CACNA2D1: variants seen among roughly 807,000 people sequenced by gnomAD.
The protein encoded by CACNA2D1 is calcium voltage-gated channel auxiliary subunit alpha2delta 1.
A neutral mutation model predicts 171.5 loss-of-function variants in CACNA2D1; 53 were observed. The ratio of observed to expected loss-of-function variants is 0.31; its 90% confidence interval spans 0.25 to 0.39. The LOEUF is 0.39. Ranked by LOEUF, CACNA2D1 falls within the 10% of genes least tolerant of loss-of-function variation. The pLI, the probability that CACNA2D1 is intolerant of heterozygous loss-of-function variation, is 1.00. For missense variants in CACNA2D1, 903 were observed against 1,299.8 expected, an observed-to-expected ratio of 0.69 and a Z score of 4.69; for synonymous variants, 442 against 443.1, an observed-to-expected ratio of 1.00 and a Z score of 0.03.
intron 5 of CACNA2D1, among the ~76,000 whole-genome samples, chr7:82,125,966 C>A (rs911920796): frequency 1.3e-5 from 2 of 152,118 alleles, no homozygotes; most frequent in African/African-American, 4.8e-5. Flanking sequence ...AGATCACTTC[C>A]ACTTAAGTTG....
At chr7:82,437,718 G>A (rs1830211368) in intron 1 of CACNA2D1, among the ~76,000 whole-genome samples, 1 of 115,314 alleles carries the variant, frequency 8.7e-6, no homozygotes, top group Non-Finnish European at 1.8e-5. Context: ...AAATATAAAG[G>A]AGCAATGACC....
chr7:82,353,785 T>C (rs1820113311), intron 1 of CACNA2D1, among the ~76,000 whole-genome samples: 1 of 152,134 alleles, frequency 6.6e-6, no homozygotes, highest in Admixed American at 6.6e-5. Flanking sequence ...GTGCTCCTTT[T>C]GGTTTTTAAT....
At chr7:82,363,716 A>G (rs1213640159) in intron 1 of CACNA2D1, among the ~76,000 whole-genome samples, 1 of 152,158 alleles carries the variant, frequency 6.6e-6, no homozygotes, top group Non-Finnish European at 1.5e-5. Flanking sequence ...GATAATAAAC[A>G]TCTTACATAT....
chr7:82,340,372 T>C (rs1818480819), intron 2 of CACNA2D1, among the ~76,000 whole-genome samples: 1 of 151,778 alleles, frequency 6.6e-6, no homozygotes, highest in South Asian at 2.1e-4. Context: ...GATCTCACTA[T>C]GTTGTTCAGG....
chr7:82,313,869 C>T (rs1414910534), intron 3 of CACNA2D1, among the ~76,000 whole-genome samples: 6 of 152,094 alleles, frequency 3.9e-5, no homozygotes, highest in Non-Finnish European at 8.8e-5. Flanking sequence ...ATATTTCCTA[C>T]ATTGAACATG....
At chr7:82,035,356 C>A (rs977822659) in intron 11 of CACNA2D1, among the ~76,000 whole-genome samples, 8 of 144,106 alleles carry the variant, frequency 5.6e-5, no homozygotes, top group African/African-American at 9.9e-5. Flanking sequence ...AAAAAAAAAA[C>A]CAGAATGGCA....
At chr7:82,178,393 TATC>T (rs1368247207) in intron 3 of CACNA2D1, among the ~76,000 whole-genome samples, 1 of 152,128 alleles carries the variant, frequency 6.6e-6, no homozygotes, top group African/African-American at 2.4e-5. Context: ...ACACAACAAT[TATC>T]ATACCTTCTT....
intron 3 of CACNA2D1, among the ~76,000 whole-genome samples, chr7:82,308,170 A>G (rs1813968490): frequency 6.6e-6 from 1 of 152,152 alleles, no homozygotes; most frequent in Admixed American, 6.5e-5. Context: ...CTTGGACTCA[A>G]TGCTCCATTT....
intron 3 of CACNA2D1, among the ~76,000 whole-genome samples, chr7:82,222,785 T>A (rs1157491283): frequency 6.6e-6 from 1 of 152,102 alleles, no homozygotes; most frequent in Non-Finnish European, 1.5e-5. Flanking sequence ...TACCACATAC[T>A]AGGTACTAAA....
chr7:82,176,688 G>A (rs945537180), intron 3 of CACNA2D1, among the ~76,000 whole-genome samples: 1 of 151,358 alleles, frequency 6.6e-6, no homozygotes, highest in Non-Finnish European at 1.5e-5. Flanking sequence ...TGACTAGGGG[G>A]AAAAGTTATT....
At chr7:82,171,437 G>A (rs185244731) in intron 3 of CACNA2D1, among the ~76,000 whole-genome samples, 38 of 152,078 alleles carry the variant, frequency 2.5e-4, no homozygotes, top group Admixed American at 2.2e-3. Context: ...GGAACACAGA[G>A]TTGGGGACCC....
At chr7:82,403,723 A>G (rs1333871250) in intron 1 of CACNA2D1, among the ~76,000 whole-genome samples, 1 of 152,208 alleles carries the variant, frequency 6.6e-6, no homozygotes, top group African/African-American at 2.4e-5. Context: ...AACTATATGG[A>G]TACTACATCA....
intron 38 of CACNA2D1, among the ~76,000 whole-genome samples, chr7:81,955,702 C>T (rs889513057): frequency 6.6e-6 from 1 of 151,546 alleles, no homozygotes; most frequent in Non-Finnish European, 1.5e-5. Flanking sequence ...AATGAAAAAG[C>T]TAACATTTAT....
At chr7:82,426,170 A>C (rs1011036520) in intron 1 of CACNA2D1, among the ~76,000 whole-genome samples, 4 of 142,202 alleles carry the variant, frequency 2.8e-5, no homozygotes, top group Non-Finnish European at 6.0e-5. Flanking sequence ...TAAATAAATA[A>C]ATAAATAAAT....
At chr7:82,181,080 G>GTTTTTTT (rs1797093992) in intron 3 of CACNA2D1, among the ~76,000 whole-genome samples, 2 of 48,960 alleles carry the variant, frequency 4.1e-5, no homozygotes, top group African/African-American at 7.2e-5. Flanking sequence ...TTTTTTTTGC[G>GTTTTTTT]TCAGTGAGAT....
At chr7:81,997,021 G>T (rs1798111756) in intron 19 of CACNA2D1, among the ~76,000 whole-genome samples, 158 bp downstream of exon 19, 1 of 151,994 alleles carries the variant, frequency 6.6e-6, no homozygotes. Context: ...GGAAAACCTA[G>T]GATCTAGAAA....
At chr7:82,074,719 C>T (rs560106034) in intron 7 of CACNA2D1, among the ~76,000 whole-genome samples, 5 of 152,216 alleles carry the variant, frequency 3.3e-5, no homozygotes, top group African/African-American at 1.2e-4. Flanking sequence ...AGTCTTTCCT[C>T]CTTCGTCCAG....
At chr7:82,096,374 T>C (rs1435969670) in intron 6 of CACNA2D1, among the ~76,000 whole-genome samples, 1 of 152,048 alleles carries the variant, frequency 6.6e-6, no homozygotes, top group Non-Finnish European at 1.5e-5. Context: ...CTTCTAACAC[T>C]TTACTGGAAG....
At chr7:82,123,350 A>C (rs1584829505) in intron 5 of CACNA2D1, among the ~76,000 whole-genome samples, 1 of 152,338 alleles carries the variant, frequency 6.6e-6, no homozygotes, top group African/African-American at 2.4e-5. Flanking sequence ...CTTAGGACTC[A>C]AAGTTTAACA....
Sources: gnomAD v4.1 joint callset for allele counts (sites outside exome capture counted in the v4.1 genomes callset) on GRCh38, gnomAD v4.1.1 for gene constraint, MANE v1.5 for transcripts, NCBI Gene and HGNC (gene_info 2026-07-23, HGNC 2026-07-21) for gene names.